Variants in MACROD2 observed in about 807,000 individuals in gnomAD.
MACROD2 encodes ADP-ribose glycohydrolase MACROD2.
Under a neutral mutation model 70.4 loss-of-function variants are expected in MACROD2, and 36 were observed. That is an observed-to-expected ratio of 0.51 (90% CI 0.39 to 0.68). The LOEUF (loss-of-function observed/expected upper bound fraction) is 0.68, where lower values mean the gene tolerates loss of function less well. MACROD2 is among the 30% of genes least tolerant of loss of function. The probability of loss-of-function intolerance (pLI) is 0.00; values close to 1 mark genes in which losing one functional copy is unlikely to be tolerated. For missense variants in MACROD2, 496 were observed against 538.4 expected, an observed-to-expected ratio of 0.92 and a Z score of 0.78; for synonymous variants, 172 against 178.8, an observed-to-expected ratio of 0.96 and a Z score of 0.30.
intron 5 of MACROD2, among the ~76,000 whole-genome samples, chr20:14,806,632 A>G (rs1304828370): frequency 6.6e-6 from 1 of 152,092 alleles, no homozygotes; most frequent in African/African-American, 2.4e-5. Flanking sequence ...CCAGGGAGCC[A>G]AGTGGTCTTG....
At chr20:15,657,332 T>C (rs1463057204) in intron 8 of MACROD2, among the ~76,000 whole-genome samples, 2 of 152,214 alleles carry the variant, frequency 1.3e-5, no homozygotes, top group African/African-American at 2.4e-5. Flanking sequence ...TAAGGCTAGC[T>C]ACTAAAGAGC....
At chr20:14,339,168 A>G (rs1047995102) in intron 3 of MACROD2, among the ~76,000 whole-genome samples, 3 of 152,194 alleles carry the variant, frequency 2.0e-5, no homozygotes, top group African/African-American at 7.2e-5. Context: ...TTCCCTTCCA[A>G]GAATGGGTGA....
chr20:15,144,884 A>G (rs2076219210), intron 5 of MACROD2, among the ~76,000 whole-genome samples: 3 of 152,272 alleles, frequency 2.0e-5, no homozygotes, highest in East Asian at 3.9e-4. Context: ...ACTATATACT[A>G]TACTTACTAT....
At chr20:15,061,373 A>G (rs1283548846) in intron 5 of MACROD2, among the ~76,000 whole-genome samples, 1 of 152,152 alleles carries the variant, frequency 6.6e-6, no homozygotes, top group Non-Finnish European at 1.5e-5. Flanking sequence ...ACTCAATAAC[A>G]ATAAGGAATC....
At chr20:15,671,180 CCTCTGTTTGGCCTCTTCT>C (rs2146836570) in intron 8 of MACROD2, among the ~76,000 whole-genome samples, 1 of 152,252 alleles carries the variant, frequency 6.6e-6, no homozygotes, top group African/African-American at 2.4e-5. Context: ...CGTTGTTTCT[CCTCTGTTTGGCCTCTTCT>C]CTCCAGCAGT....
rs570772840 is a variant in MACROD2 at position 15,100,233 on chromosome 20, C to G, written c.419-129707C>G. On this transcript the variant is annotated intron_variant, in intron 5 of 17. Coordinates refer to ENST00000684519, the MANE Select transcript of MACROD2 (RefSeq NM_001351661.2). Reference sequence around the variant, plus strand: ...ATCTGTAGCAGACTATAGATAGTTCCCAACTGATGATGGTTCACCTGATTT... The same window carrying G: ...ATCTGTAGCAGACTATAGATAGTTCGCAACTGATGATGGTTCACCTGATTT... Among the ~76,000 whole-genome samples the G allele has an allele frequency of 7.6e-4, 116 of 152,048 alleles. 1 individual carries two copies. Among genetic ancestry groups the G allele is most frequent in the Middle Eastern group, 3.4e-3 (1 of 292 alleles).
At chr20:14,941,627 C>T (rs1381714577) in intron 5 of MACROD2, among the ~76,000 whole-genome samples, 2 of 151,968 alleles carry the variant, frequency 1.3e-5, no homozygotes, top group Admixed American at 6.5e-5. Flanking sequence ...TATTTTAGTT[C>T]TAGGGTATTG....
intron 4 of MACROD2, among the ~76,000 whole-genome samples, chr20:14,558,307 C>A (rs759625871): frequency 4.0e-5 from 6 of 151,572 alleles, no homozygotes; most frequent in Non-Finnish European, 7.4e-5. Flanking sequence ...ATACAAAAAC[C>A]ATTTAATCGT....
intron 5 of MACROD2, chr20:14,849,909 T>G (rs779388096): frequency 2.0e-6 from 1 of 493,828 alleles, no homozygotes; most frequent in South Asian, 1.5e-5. Flanking sequence ...CGTAGCAAAT[T>G]TGGATGCAAG....
chr20:16,020,703 G>A (rs548762868), intron 15 of MACROD2, among the ~76,000 whole-genome samples: 1 of 151,458 alleles, frequency 6.6e-6, no homozygotes. Context: ...ATTAGGTACT[G>A]CATCTTCATT....
At chr20:14,947,228 A>G (rs2074440063) in intron 5 of MACROD2, among the ~76,000 whole-genome samples, 1 of 152,212 alleles carries the variant, frequency 6.6e-6, no homozygotes, top group South Asian at 2.1e-4. Context: ...TAACAAATGT[A>G]CGTCTTTGAA....
intron 6 of MACROD2, among the ~76,000 whole-genome samples, chr20:15,259,375 A>G (rs1012054882): frequency 8.6e-5 from 13 of 152,032 alleles, no homozygotes; most frequent in African/African-American, 3.1e-4. Flanking sequence ...AGGTAGAAGG[A>G]AGGCAAAAAC....
At position 14,531,391 on chromosome 20, in the gene MACROD2, G is replaced by A. The variant is rs7266696; in HGVS notation, c.301+37883G>A. ...CAGAGGACAAGAGCTTGTGAAGATG[G>A]TCACAGAGATTGGAGTCATGTGGTC... is the stretch of plus-strand genomic sequence containing the variant. On this transcript the variant is annotated intron_variant, in intron 4 of 17. Transcript: ENST00000684519. 6.6e-3 allele frequency among the ~76,000 whole-genome samples: 1,006 copies of A among 152,270 alleles called. 11 individuals carry two copies. The highest frequency in any genetic ancestry group is 0.023 in the African/African-American group (966 of 41,564).
chr20:14,938,171 T>C (rs1287802532), intron 5 of MACROD2, among the ~76,000 whole-genome samples: 1 of 152,168 alleles, frequency 6.6e-6, no homozygotes, highest in East Asian at 1.9e-4. Flanking sequence ...CAGATACCTC[T>C]TTATTTTATT....
At chr20:14,826,859 A>G (rs547368445) in intron 5 of MACROD2, among the ~76,000 whole-genome samples, 1 of 152,220 alleles carries the variant, frequency 6.6e-6, no homozygotes, top group African/African-American at 2.4e-5. Context: ...GATTTCGTAC[A>G]TTTGAGGTTA....
intron 5 of MACROD2, among the ~76,000 whole-genome samples, chr20:14,912,099 T>G (rs2074034769): frequency 6.6e-6 from 1 of 152,110 alleles, no homozygotes; most frequent in Admixed American, 6.5e-5. Context: ...GGTCACTTGG[T>G]CCCATCTCTA....
chr20:15,132,222 A>T (rs1311867961), intron 5 of MACROD2, among the ~76,000 whole-genome samples: 1 of 151,812 alleles, frequency 6.6e-6, no homozygotes, highest in East Asian at 1.9e-4. Context: ...GAAGTAAAAT[A>T]AAAAGTTTTC....
At chr20:14,903,222 G>T (rs1379958091) in intron 5 of MACROD2, among the ~76,000 whole-genome samples, 1 of 151,832 alleles carries the variant, frequency 6.6e-6, no homozygotes, top group Admixed American at 6.6e-5. Flanking sequence ...TGTATTCTTA[G>T]TAGAGACGGG....
chr20:15,123,520 C>T (rs2076045247), intron 5 of MACROD2, among the ~76,000 whole-genome samples: 1 of 152,100 alleles, frequency 6.6e-6, no homozygotes, highest in African/African-American at 2.4e-5. Flanking sequence ...TAGATTGTCT[C>T]ATTAATCCTT....
Sources: allele counts gnomAD v4.1 joint callset (sites outside exome capture counted in the v4.1 genomes callset), GRCh38; gene constraint gnomAD v4.1.1; transcripts MANE v1.5; gene names NCBI Gene and HGNC (gene_info 2026-07-23, HGNC 2026-07-21).